Variants in PPM1L observed in about 807,000 individuals in gnomAD.
The protein encoded by PPM1L is protein phosphatase 1L.
In PPM1L, 13 loss-of-function variants were observed where a neutral mutation model predicts 31.4. The observed-to-expected ratio is 0.41, with a 90% CI of 0.27 to 0.66. The LOEUF (loss-of-function observed/expected upper bound fraction) is 0.66. Among genes scored for constraint, PPM1L ranks in the 30% least tolerant of loss-of-function variants. The pLI, the probability that PPM1L is intolerant of heterozygous loss-of-function variation, is 0.29. For missense variants in PPM1L, 326 were observed against 453.7 expected, an observed-to-expected ratio of 0.72 and a Z score of 2.56; for synonymous variants, 184 against 175.4, an observed-to-expected ratio of 1.05 and a Z score of -0.39.
At chr3:160,788,976 T>A (rs767523933) in intron 1 of PPM1L, among the ~76,000 whole-genome samples, 75 of 152,098 alleles carry the variant, frequency 4.9e-4, no homozygotes, top group Non-Finnish European at 8.4e-4. Context: ...TACTTTATTT[T>A]TGTAAGTGAC....
At chr3:161,041,574 C>A (rs1225364869) in intron 2 of PPM1L, among the ~76,000 whole-genome samples, 2 of 152,250 alleles carry the variant, frequency 1.3e-5, no homozygotes, top group East Asian at 3.9e-4. Flanking sequence ...CACAGTGAAA[C>A]CCCATCTCTA....
At chr3:160,809,962 T>C (rs1712758586) in intron 1 of PPM1L, among the ~76,000 whole-genome samples, 1 of 152,154 alleles carries the variant, frequency 6.6e-6, no homozygotes, top group Non-Finnish European at 1.5e-5. Flanking sequence ...GGGTACTGTT[T>C]CTTATCTTAC....
At chr3:161,002,587 A>G (rs1717536306) in intron 2 of PPM1L, among the ~76,000 whole-genome samples, 1 of 148,826 alleles carries the variant, frequency 6.7e-6, no homozygotes, top group South Asian at 2.2e-4. Context: ...TCTGATAGCC[A>G]GTGATGGTGA....
intron 1 of PPM1L, among the ~76,000 whole-genome samples, chr3:160,802,603 C>T (rs1269732915): frequency 6.6e-6 from 1 of 152,114 alleles, no homozygotes; most frequent in Non-Finnish European, 1.5e-5. Flanking sequence ...GTGGCAGATG[C>T]ATTGAGGAAG....
intron 2 of PPM1L, among the ~76,000 whole-genome samples, chr3:161,001,961 A>G (rs1717498793): frequency 6.6e-6 from 1 of 151,614 alleles, no homozygotes; most frequent in South Asian, 2.1e-4. Flanking sequence ...AGCATTAGGT[A>G]TATCTCCCAA....
intron 2 of PPM1L, among the ~76,000 whole-genome samples, chr3:160,988,280 G>A (rs1449760371): frequency 6.6e-6 from 1 of 152,062 alleles, no homozygotes; most frequent in Non-Finnish European, 1.5e-5. Flanking sequence ...AAACATTCAG[G>A]TTAAGGAGTT....
chr3:161,028,453 A>T (rs1215923328), intron 2 of PPM1L, among the ~76,000 whole-genome samples: 1 of 152,152 alleles, frequency 6.6e-6, no homozygotes, highest in Non-Finnish European at 1.5e-5. Context: ...GCAGGAGAAA[A>T]GAAAGCGGGC....
At chr3:160,966,708 G>T (rs1716158871) in intron 2 of PPM1L, among the ~76,000 whole-genome samples, 1 of 152,088 alleles carries the variant, frequency 6.6e-6, no homozygotes, top group South Asian at 2.1e-4. Context: ...AGGTGGGGAA[G>T]GGGATGATAC....
At chr3:161,043,714 G>A (rs181464067) in intron 2 of PPM1L, among the ~76,000 whole-genome samples, 34 of 152,312 alleles carry the variant, frequency 2.2e-4, no homozygotes, top group Admixed American at 3.3e-4. Flanking sequence ...CTTGGGAGAA[G>A]TGTTTTATAT....
At chr3:160,762,578 A>T (rs1714996890) in intron 1 of PPM1L, among the ~76,000 whole-genome samples, 1 of 152,190 alleles carries the variant, frequency 6.6e-6, no homozygotes, top group African/African-American at 2.4e-5. Flanking sequence ...AAAAAATAGC[A>T]GAGTTACAAG....
intron 1 of PPM1L, among the ~76,000 whole-genome samples, chr3:160,776,556 T>C (rs1447151126): frequency 6.6e-6 from 1 of 152,022 alleles, no homozygotes; most frequent in African/African-American, 2.4e-5. Context: ...TTACTTACTG[T>C]ATGTCTACTT....
chr3:160,803,300 G>A (rs1341502339), intron 1 of PPM1L, among the ~76,000 whole-genome samples: 1 of 152,186 alleles, frequency 6.6e-6, no homozygotes, highest in Non-Finnish European at 1.5e-5. Flanking sequence ...AGCATCTGAT[G>A]ATTTGCTTAA....
intron 1 of PPM1L, among the ~76,000 whole-genome samples, chr3:160,920,613 T>TCACA (rs1342261518): frequency 1.9e-3 from 52 of 26,974 alleles, no homozygotes; most frequent in East Asian, 8.9e-3. Context: ...TCTCTCTCTC[T>TCACA]CTCACACACA....
At chr3:161,003,777 G>A (rs79892046) in intron 2 of PPM1L, among the ~76,000 whole-genome samples, 29 of 151,876 alleles carry the variant, frequency 1.9e-4, no homozygotes, top group Middle Eastern at 3.4e-3. Flanking sequence ...CAATCATGTC[G>A]TCTGCAAACA....
chr3:161,032,070 G>A (rs1241095555), intron 2 of PPM1L, among the ~76,000 whole-genome samples: 1 of 152,132 alleles, frequency 6.6e-6, no homozygotes. Context: ...TTTAGGGCTT[G>A]AACACAAGAG....
At chr3:160,785,492 T>C (rs1335807574) in intron 1 of PPM1L, among the ~76,000 whole-genome samples, 2 of 152,190 alleles carry the variant, frequency 1.3e-5, no homozygotes, top group African/African-American at 2.4e-5. Flanking sequence ...CTACTCTGGA[T>C]CTCTAAAACC....
chr3:160,828,431 A>G (rs1055274735), intron 1 of PPM1L, among the ~76,000 whole-genome samples: 6 of 152,172 alleles, frequency 3.9e-5, no homozygotes, highest in African/African-American at 1.4e-4. Flanking sequence ...TCCATATTGA[A>G]TGCTTACAAT....
intron 2 of PPM1L, among the ~76,000 whole-genome samples, chr3:160,973,997 A>C (rs960201136): frequency 7.4e-4 from 105 of 141,752 alleles, no homozygotes; most frequent in African/African-American, 2.6e-3. Context: ...CATTAGGTAT[A>C]TCTCCCAGTG....
At chr3:160,819,903 G>A (rs2108090184) in intron 1 of PPM1L, among the ~76,000 whole-genome samples, 1 of 152,012 alleles carries the variant, frequency 6.6e-6, no homozygotes, top group South Asian at 2.1e-4. Flanking sequence ...TCATTTTATT[G>A]TTATTTATAT....
Sources: allele counts gnomAD v4.1 joint callset (sites outside exome capture counted in the v4.1 genomes callset), GRCh38; gene constraint gnomAD v4.1.1; transcripts MANE v1.5; gene names NCBI Gene and HGNC (gene_info 2026-07-23, HGNC 2026-07-21).